Variants in RCOR1 observed in about 807,000 individuals in gnomAD.
RCOR1 encodes the protein REST corepressor.
In RCOR1, 12 loss-of-function variants were observed where a neutral mutation model predicts 64.0. The observed-to-expected ratio is 0.19, with a 90% CI of 0.12 to 0.30. The LOEUF (loss-of-function observed/expected upper bound fraction) is 0.30. RCOR1 is among the 10% of genes least tolerant of loss of function. RCOR1 has a pLI of 1.00. For synonymous variants in RCOR1, 279 were observed against 227.2 expected (o/e 1.23, Z -2.05); for missense variants, 502 against 621.2 (o/e 0.81, Z 2.04).
intron 2 of RCOR1, among the ~76,000 whole-genome samples, chr14:102,625,584 G>A (rs980962840): frequency 2.9e-4 from 44 of 151,122 alleles, no homozygotes; most frequent in African/African-American, 9.7e-4. Context: ...TGGCCAGGTT[G>A]GTCTTGAACT....
chr14:102,708,367 T>C (rs573618218), intron 5 of RCOR1, 98 bp from the exon 6 acceptor site: 8 of 709,896 alleles, frequency 1.1e-5, no homozygotes, highest in East Asian at 2.8e-5. Context: ...CCCAAAGTGC[T>C]GGGATTACAG....
intron 2 of RCOR1, chr14:102,651,147 C>T: frequency 1.2e-6 from 1 of 821,158 alleles, no homozygotes; most frequent in Non-Finnish European, 1.5e-6. Flanking sequence ...AGACCCTAAC[C>T]CAGCGGCGCT....
At chr14:102,693,517 C>T (rs2139971678) in intron 3 of RCOR1, among the ~76,000 whole-genome samples, 1 of 152,284 alleles carries the variant, frequency 6.6e-6, no homozygotes, top group South Asian at 2.1e-4. Context: ...ATAGAAAACC[C>T]TCCACATTGC....
chr14:102,661,070 G>A (rs894733828), intron 2 of RCOR1, among the ~76,000 whole-genome samples: 2 of 152,194 alleles, frequency 1.3e-5, no homozygotes, highest in Admixed American at 6.5e-5. Flanking sequence ...TTATAGGCCA[G>A]GTGCCATGGC....
intron 3 of RCOR1, among the ~76,000 whole-genome samples, chr14:102,695,793 C>T (rs1344354742): frequency 6.6e-6 from 1 of 151,606 alleles, no homozygotes; most frequent in Non-Finnish European, 1.5e-5. Flanking sequence ...TTGTGATCCA[C>T]CCACCTCAGC....
chr14:102,605,406 T>TA, intron 2 of RCOR1, among the ~76,000 whole-genome samples: 1 of 152,346 alleles, frequency 6.6e-6, no homozygotes, highest in South Asian at 2.1e-4. Flanking sequence ...AGGCTATACA[T>TA]ACAGTCATGT....
intron 7 of RCOR1, among the ~76,000 whole-genome samples, chr14:102,711,863 CT>C (rs1370027046): frequency 1.3e-5 from 2 of 152,076 alleles, no homozygotes; most frequent in Admixed American, 6.5e-5. Context: ...CACTGTCAAC[CT>C]TTTGGTGACT....
intron 4 of RCOR1, among the ~76,000 whole-genome samples, chr14:102,706,140 A>C (rs1261338663): frequency 6.7e-6 from 1 of 149,666 alleles, no homozygotes; most frequent in East Asian, 1.9e-4. Context: ...AAAAAAAAAA[A>C]AACCTAAAAA....
intron 2 of RCOR1, among the ~76,000 whole-genome samples, chr14:102,669,180 A>AT (rs923762278): frequency 1.3e-5 from 2 of 152,020 alleles, no homozygotes; most frequent in African/African-American, 4.8e-5. Flanking sequence ...GTGGTGGCAC[A>AT]TTCCTGTAAT....
At chr14:102,713,946 G>A (rs1462621297) in intron 7 of RCOR1, among the ~76,000 whole-genome samples, 1 of 152,162 alleles carries the variant, frequency 6.6e-6, no homozygotes, top group Non-Finnish European at 1.5e-5. Context: ...TGGTTTTACA[G>A]AAATTAATAG....
chr14:102,691,758 C>T (rs1258279684), intron 3 of RCOR1, among the ~76,000 whole-genome samples: 1 of 152,166 alleles, frequency 6.6e-6, no homozygotes, highest in Non-Finnish European at 1.5e-5. Context: ...ACCTTGTAAT[C>T]ATATTAATGT....
At chr14:102,726,437 C>CTT (rs372942415) in intron 11 of RCOR1, 31 bp from the exon 12 acceptor site, 942 of 1,408,928 alleles carry the variant, frequency 6.7e-4, no homozygotes, top group Admixed American at 8.7e-4. Flanking sequence ...CTCTTTGATC[C>CTT]TTTTTTTTTT....
intron 2 of RCOR1, among the ~76,000 whole-genome samples, chr14:102,627,001 G>T (rs1428313815): frequency 6.6e-6 from 1 of 152,030 alleles, no homozygotes; most frequent in Non-Finnish European, 1.5e-5. Context: ...TTTTATTATA[G>T]GTTATAGTCT....
At chr14:102,722,095 T>G in intron 10 of RCOR1, 92 bp from the exon 11 acceptor site, 1 of 921,812 alleles carries the variant, frequency 1.1e-6, no homozygotes. Context: ...GCCTGTATGT[T>G]TTCTTATCTG....
At chr14:102,675,291 G>A (rs1255508570) in intron 2 of RCOR1, among the ~76,000 whole-genome samples, 1 of 152,044 alleles carries the variant, frequency 6.6e-6, no homozygotes, top group East Asian at 1.9e-4. Flanking sequence ...GACCTCTGGT[G>A]GATGCCTGAA....
chr14:102,627,111 A>T (rs1377520285), intron 2 of RCOR1, among the ~76,000 whole-genome samples: 1 of 152,032 alleles, frequency 6.6e-6, no homozygotes, highest in Non-Finnish European at 1.5e-5. Context: ...TGGGGAAAAA[A>T]CCTGAATCAA....
intron 4 of RCOR1, among the ~76,000 whole-genome samples, 161 bp from the exon 5 acceptor site, chr14:102,707,186 TACAA>T (rs1237118895): frequency 6.6e-6 from 1 of 152,200 alleles, no homozygotes; most frequent in Non-Finnish European, 1.5e-5. Context: ...TTACCACAGT[TACAA>T]AGAATAGAAA....
intron 2 of RCOR1, among the ~76,000 whole-genome samples, chr14:102,620,832 C>A (rs1302106730): frequency 2.0e-5 from 3 of 151,954 alleles, no homozygotes; most frequent in Non-Finnish European, 2.9e-5. Flanking sequence ...TCCTTTTTTG[C>A]TGCTCCATTA....
At chr14:102,722,089 G>T in intron 10 of RCOR1, 98 bp from the exon 11 acceptor site, 2 of 844,928 alleles carry the variant, frequency 2.4e-6, no homozygotes, top group East Asian at 2.6e-5. Context: ...TTAAAAGCCT[G>T]TATGTTTTCT....
Sources: gnomAD v4.1 joint callset for allele counts (sites outside exome capture counted in the v4.1 genomes callset) on GRCh38, gnomAD v4.1.1 for gene constraint, MANE v1.5 for transcripts, NCBI Gene and HGNC (gene_info 2026-07-23, HGNC 2026-07-21) for gene names.